CNTNAP2: variants seen among roughly 807,000 people sequenced by gnomAD.
CNTNAP2 encodes the protein contactin-associated protein-like 2.
A neutral mutation model predicts 155.2 loss-of-function variants in CNTNAP2; 98 were observed. The ratio of observed to expected loss-of-function variants is 0.63; its 90% CI spans 0.54 to 0.75. The LOEUF is 0.75. Among genes scored for constraint, CNTNAP2 ranks in the 30% least tolerant of loss-of-function variants. The pLI is 0.00. For missense variants in CNTNAP2, 1,727 were observed against 1,688.1 expected, an observed-to-expected ratio of 1.02 and a Z score of -0.40; for synonymous variants, 651 against 631.2, an observed-to-expected ratio of 1.03 and a Z score of -0.47.
intron 21 of CNTNAP2, among the ~76,000 whole-genome samples, chr7:148,363,852 G>GCGC (rs1563058141): frequency 6.7e-6 from 1 of 148,824 alleles, no homozygotes; most frequent in Non-Finnish European, 1.5e-5. Context: ...GCTGCGTGCG[G>GCGC]GCCAGCTGGA....
At chr7:146,679,481 G>A (rs1800464024) in intron 1 of CNTNAP2, among the ~76,000 whole-genome samples, 1 of 149,722 alleles carries the variant, frequency 6.7e-6, no homozygotes, top group Admixed American at 6.7e-5. Flanking sequence ...TCAGCCTCCT[G>A]AGTGGCTGGG....
chr7:146,973,247 C>G (rs1563027360), intron 3 of CNTNAP2, among the ~76,000 whole-genome samples: 4 of 152,092 alleles, frequency 2.6e-5, no homozygotes, highest in African/African-American at 9.7e-5. Flanking sequence ...AGGCTGGTCT[C>G]CAACTCCTGA....
chr7:147,915,347 G>A (rs930044467), intron 14 of CNTNAP2, among the ~76,000 whole-genome samples: 1 of 152,178 alleles, frequency 6.6e-6, no homozygotes, highest in Non-Finnish European at 1.5e-5. Flanking sequence ...ATTGATCTGA[G>A]TTCTGTGGAA....
chr7:148,411,951 C>CTATCT (rs200300261), intron 23 of CNTNAP2, among the ~76,000 whole-genome samples: 230 of 151,456 alleles, frequency 1.5e-3, no homozygotes, highest in Non-Finnish European at 2.1e-3. Flanking sequence ...ATTGTTGTAT[C>CTATCT]TTTTTTTGTT....
intron 8 of CNTNAP2, among the ~76,000 whole-genome samples, chr7:147,228,297 T>A (rs937093141): frequency 6.6e-6 from 1 of 152,192 alleles, no homozygotes; most frequent in African/African-American, 2.4e-5. Flanking sequence ...ATGGTTATGA[T>A]TATTTTTAAT....
chr7:146,488,625 T>C (rs1338332498), intron 1 of CNTNAP2, among the ~76,000 whole-genome samples: 1 of 152,028 alleles, frequency 6.6e-6, no homozygotes, highest in Non-Finnish European at 1.5e-5. Context: ...TTCTGTTTTT[T>C]GTTTTGTTTT....
intron 1 of CNTNAP2, among the ~76,000 whole-genome samples, chr7:146,251,736 A>T (rs535875382): frequency 3.3e-5 from 5 of 152,216 alleles, no homozygotes; most frequent in Non-Finnish European, 5.9e-5. Context: ...GATTATTTCC[A>T]AAGGTTACTT....
At chr7:147,119,452 C>T (rs184957467) in intron 5 of CNTNAP2, among the ~76,000 whole-genome samples, 7 of 152,250 alleles carry the variant, frequency 4.6e-5, no homozygotes, top group South Asian at 4.1e-4. Context: ...AAATATCAGA[C>T]GTGTCTACCT....
intron 3 of CNTNAP2, among the ~76,000 whole-genome samples, chr7:146,916,528 A>G (rs2129218699): frequency 6.6e-6 from 1 of 152,006 alleles, no homozygotes; most frequent in African/African-American, 2.4e-5. Context: ...GTCTGTTCAG[A>G]GTTTCTATTT....
chr7:148,351,861 A>G (rs1259033354), intron 21 of CNTNAP2, among the ~76,000 whole-genome samples: 5 of 152,072 alleles, frequency 3.3e-5, no homozygotes, highest in African/African-American at 1.2e-4. Flanking sequence ...ATAGCTCTGC[A>G]ATATTTTGGG....
At chr7:148,148,123 G>T (rs1805228837) in intron 17 of CNTNAP2, among the ~76,000 whole-genome samples, 2 of 152,080 alleles carry the variant, frequency 1.3e-5, no homozygotes, top group Admixed American at 6.6e-5. Flanking sequence ...AATGGGCTAA[G>T]TTCAGATTTT....
chr7:146,934,490 C>G (rs1796867863), intron 3 of CNTNAP2, among the ~76,000 whole-genome samples: 1 of 151,510 alleles, frequency 6.6e-6, no homozygotes, highest in South Asian at 2.1e-4. Context: ...GGAGATATAC[C>G]TAATGCTAAA....
chr7:147,046,208 G>A (rs573642996), intron 4 of CNTNAP2, among the ~76,000 whole-genome samples: 11 of 152,200 alleles, frequency 7.2e-5, no homozygotes, highest in South Asian at 2.1e-4. Flanking sequence ...CCACCTGACC[G>A]TCCACAGTTT....
intron 1 of CNTNAP2, among the ~76,000 whole-genome samples, chr7:146,310,301 G>A (rs1800796818): frequency 6.6e-6 from 1 of 152,104 alleles, no homozygotes; most frequent in Non-Finnish European, 1.5e-5. Context: ...CTACACAGAA[G>A]CTATTATTTA....
At chr7:148,036,870 C>T (rs2116471492) in intron 15 of CNTNAP2, among the ~76,000 whole-genome samples, 1 of 152,174 alleles carries the variant, frequency 6.6e-6, no homozygotes, top group African/African-American at 2.4e-5. Context: ...ACATATAGAA[C>T]ACATAAAGCC....
At chr7:147,185,003 T>G (rs1399719767) in intron 8 of CNTNAP2, among the ~76,000 whole-genome samples, 1 of 151,922 alleles carries the variant, frequency 6.6e-6, no homozygotes, top group African/African-American at 2.4e-5. Flanking sequence ...ATCTAACACA[T>G]AGGGGAGGAA....
chr7:147,416,296 C>A (rs183234531), intron 10 of CNTNAP2, among the ~76,000 whole-genome samples: 6 of 152,316 alleles, frequency 3.9e-5, no homozygotes, highest in Admixed American at 3.3e-4. Flanking sequence ...TCATGAGCAG[C>A]TTGGCCTTGG....
At chr7:146,611,354 G>C (rs1393505725) in intron 1 of CNTNAP2, among the ~76,000 whole-genome samples, 1 of 152,170 alleles carries the variant, frequency 6.6e-6, no homozygotes, top group Non-Finnish European at 1.5e-5. Flanking sequence ...GCTTCCCAAA[G>C]TGCTGGGATT....
At chr7:147,883,132 T>C (rs2247042) in intron 13 of CNTNAP2, among the ~76,000 whole-genome samples, 80,500 of 151,876 alleles carry the variant, frequency 0.53, 21,468 homozygotes, top group East Asian at 0.61. Context: ...TCTCCCAGAA[T>C]ATAGAAAGCC....
Sources: allele counts gnomAD v4.1 joint callset (sites outside exome capture counted in the v4.1 genomes callset), GRCh38; gene constraint gnomAD v4.1.1; transcripts MANE v1.5; gene names NCBI Gene and HGNC (gene_info 2026-07-23, HGNC 2026-07-21).